ESRRG: variants seen among roughly 807,000 people sequenced by gnomAD.
The protein encoded by ESRRG is estrogen-related receptor gamma.
In ESRRG, 13 loss-of-function variants were observed where a neutral mutation model predicts 44.0. The ratio of observed to expected loss-of-function variants is 0.30; its 90% CI spans 0.19 to 0.47. The LOEUF is 0.47. ESRRG is among the 20% of genes least tolerant of loss of function. The probability of loss-of-function intolerance (pLI) is 1.00; values close to 1 mark genes in which losing one functional copy is unlikely to be tolerated. For missense variants in ESRRG, 395 were observed against 580.6 expected (o/e 0.68, Z 3.29); for synonymous variants, 215 against 214.6 (o/e 1.00, Z -0.02).
intron 3 of ESRRG, among the ~76,000 whole-genome samples, chr1:216,586,581 C>CTTTTTTTT (rs752769234): frequency 8.1e-6 from 1 of 124,126 alleles, no homozygotes; most frequent in Non-Finnish European, 1.7e-5. Context: ...AACTTTTGGG[C>CTTTTTTTT]TTTTTTTTTT....
At chr1:216,566,577 T>C (rs1254147232) in intron 4 of ESRRG, among the ~76,000 whole-genome samples, 2 of 152,214 alleles carry the variant, frequency 1.3e-5, no homozygotes, top group African/African-American at 4.8e-5. Flanking sequence ...TTTCAGTCAA[T>C]GTTTGCATAA....
At chr1:216,751,980 C>T (rs1056911503) in intron 2 of ESRRG, among the ~76,000 whole-genome samples, 4 of 152,074 alleles carry the variant, frequency 2.6e-5, no homozygotes, top group Admixed American at 1.3e-4. Flanking sequence ...GCCATCTGGT[C>T]GTCCACTCTC....
intron 2 of ESRRG, among the ~76,000 whole-genome samples, chr1:216,826,757 C>T (rs546040974): frequency 6.6e-6 from 1 of 152,212 alleles, no homozygotes; most frequent in South Asian, 2.1e-4. Flanking sequence ...CAGATTTGAT[C>T]CCAGAGTCTT....
At chr1:216,768,703 C>T (rs1333054852) in intron 2 of ESRRG, among the ~76,000 whole-genome samples, 1 of 152,132 alleles carries the variant, frequency 6.6e-6, no homozygotes, top group Non-Finnish European at 1.5e-5. Context: ...GTTGCTCAAG[C>T]TGGTCTCAAA....
At chr1:217,111,809 C>T (rs973032859) in intron 1 of ESRRG, among the ~76,000 whole-genome samples, 1 of 152,168 alleles carries the variant, frequency 6.6e-6, no homozygotes, top group East Asian at 1.9e-4. Flanking sequence ...AAACTGTGTG[C>T]TCTTCCTCTC....
chr1:216,992,285 C>G (rs1326110138), intron 1 of ESRRG, among the ~76,000 whole-genome samples: 1 of 152,176 alleles, frequency 6.6e-6, no homozygotes, highest in East Asian at 1.9e-4. Context: ...GGAGAAGCCT[C>G]TTACATATTT....
At chr1:216,828,080 G>A (rs543975843) in intron 2 of ESRRG, among the ~76,000 whole-genome samples, 76 of 152,050 alleles carry the variant, frequency 5.0e-4, no homozygotes, top group African/African-American at 1.8e-3. Context: ...CTCTTTCCTG[G>A]TTGAAACTAT....
At chr1:216,962,671 C>T (rs1347429934) in intron 1 of ESRRG, among the ~76,000 whole-genome samples, 1 of 152,160 alleles carries the variant, frequency 6.6e-6, no homozygotes, top group Non-Finnish European at 1.5e-5. Context: ...AGCCAGCACG[C>T]TACCAGAATG....
At chr1:216,737,330 C>T (rs956544) in intron 2 of ESRRG, among the ~76,000 whole-genome samples, 11,380 of 152,150 alleles carry the variant, frequency 0.075, 509 homozygotes, top group Admixed American at 0.12. Context: ...GACAGGTGGG[C>T]TGGTGGGTTA....
intron 1 of ESRRG, among the ~76,000 whole-genome samples, chr1:217,123,793 C>T (rs762876540): frequency 1.3e-5 from 2 of 152,108 alleles, no homozygotes; most frequent in Non-Finnish European, 2.9e-5. Flanking sequence ...GGGAAAAGAG[C>T]TAATGCATGC....
chr1:216,944,389 G>A (rs1195578999), intron 1 of ESRRG, among the ~76,000 whole-genome samples: 2 of 152,028 alleles, frequency 1.3e-5, no homozygotes, highest in African/African-American at 4.8e-5. Flanking sequence ...AAAAGGAAGG[G>A]AAATAAATAA....
At chr1:216,657,465 T>C (rs1412303847) in intron 2 of ESRRG, among the ~76,000 whole-genome samples, 2 of 152,162 alleles carry the variant, frequency 1.3e-5, no homozygotes, top group African/African-American at 4.8e-5. Context: ...ATATTATACC[T>C]CATTTTCACC....
At chr1:217,012,058 G>A (rs1265731304) in intron 1 of ESRRG, among the ~76,000 whole-genome samples, 1 of 152,134 alleles carries the variant, frequency 6.6e-6, no homozygotes, top group Non-Finnish European at 1.5e-5. Flanking sequence ...TTAAGAAGAT[G>A]AGTACACAAA....
intron 1 of ESRRG, among the ~76,000 whole-genome samples, chr1:216,952,108 C>T (rs963912129): frequency 6.6e-6 from 1 of 152,084 alleles, no homozygotes; most frequent in East Asian, 1.9e-4. Context: ...ATCTCTGCCC[C>T]ACACCTTGCC....
intron 2 of ESRRG, among the ~76,000 whole-genome samples, chr1:216,744,416 C>T (rs552794753): frequency 2.6e-5 from 4 of 151,990 alleles, no homozygotes; most frequent in Admixed American, 6.6e-5. Flanking sequence ...GTAACTCATT[C>T]GATGTTTTAA....
In ESRRG at chr1:216,709,412, C is replaced by T. The variant is rs148205292; in HGVS notation, c.56+13832G>A. ...GTTATTTTCTTATTTCAGACCTTTT[C>T]CTGGATATGGCCAAGTCTGAAGTTT... On this transcript the variant is annotated intron_variant, in intron 1 of 6. Transcript: ENST00000408911. Among the ~76,000 whole-genome samples, 3 of 149,824 alleles carry T rather than the reference C, an allele frequency of 2.0e-5. No individual in the cohort carries two copies. The East Asian group carries it at 5.9e-4, about 29-fold the overall frequency.
chr1:216,590,448 T>TA (rs1321978101), intron 3 of ESRRG, among the ~76,000 whole-genome samples: 1 of 152,206 alleles, frequency 6.6e-6, no homozygotes, highest in Non-Finnish European at 1.5e-5. Context: ...TCACATATGT[T>TA]AAGAACAGAC....
chr1:216,759,418 C>T (rs1425499007), intron 2 of ESRRG, among the ~76,000 whole-genome samples: 3 of 152,086 alleles, frequency 2.0e-5, no homozygotes, highest in African/African-American at 7.2e-5. Context: ...AGCAAACCTC[C>T]TAAGGGTCTC....
chr1:217,098,987 T>C (rs2092465349), intron 1 of ESRRG, among the ~76,000 whole-genome samples: 1 of 152,202 alleles, frequency 6.6e-6, no homozygotes, highest in African/African-American at 2.4e-5. Flanking sequence ...GCTTTATTCT[T>C]TTCCCCCATA....
Sources: allele counts gnomAD v4.1 joint callset (sites outside exome capture counted in the v4.1 genomes callset), GRCh38; gene constraint gnomAD v4.1.1; transcripts MANE v1.5; gene names NCBI Gene and HGNC (gene_info 2026-07-23, HGNC 2026-07-21).